TNFSF4: variants seen among roughly 807,000 people sequenced by gnomAD.
TNFSF4 encodes tumor necrosis factor ligand superfamily member 4.
Under a neutral mutation model 7.3 loss-of-function variants are expected in TNFSF4, and 4 were observed. The ratio of observed to expected loss-of-function variants is 0.55; its 90% CI spans 0.27 to 1.25. The LOEUF is 1.25. Among genes scored for constraint, TNFSF4 ranks in the 50% most tolerant of loss-of-function variants. The pLI is 0.12. For synonymous variants in TNFSF4, 76 were observed against 83.7 expected (o/e 0.91, Z 0.50); for missense variants, 181 against 208.8 (o/e 0.87, Z 0.82).
intron 1 of TNFSF4, among the ~76,000 whole-genome samples, chr1:173,189,505 G>T (rs915068320): frequency 1.3e-5 from 2 of 152,066 alleles, no homozygotes; most frequent in African/African-American, 4.8e-5. Context: ...AACCTAACTT[G>T]AATTAAGTCA....
the TNFSF4 span, among the ~76,000 whole-genome samples, chr1:173,286,158 CAAT>C: frequency 1.8e-4 from 28 of 152,124 alleles, no homozygotes; most frequent in African/African-American, 6.5e-4. Flanking sequence ...AAAATTGTTA[CAAT>C]GTCATTTCAC....
chr1:173,207,180 C>T lies in TNFSF4; in HGVS notation c.-4G>A. ...CCAGGGGTTGGACCCTTTCCATCTT[C>T]ACAATCTGGGTAGAGGGAAGATGAA... On this transcript the variant is annotated 5_prime_UTR_variant, in exon 1 of 3. Coordinates refer to ENST00000281834, the MANE Select transcript of TNFSF4 (RefSeq NM_003326.5). 6.2e-7 allele frequency: 1 copy of T among 1,609,762 alleles called. No individual in the cohort carries two copies. Among genetic ancestry groups the T allele is most frequent in the Non-Finnish European group, 8.5e-7 (1 of 1,176,726 alleles).
At chr1:173,392,846 T>A in the TNFSF4 span, among the ~76,000 whole-genome samples, 2 of 152,164 alleles carry the variant, frequency 1.3e-5, no homozygotes, top group African/African-American at 2.4e-5. Flanking sequence ...GCTACATATA[T>A]AAAACACTGA....
chr1:173,225,588 C>T, the TNFSF4 span, among the ~76,000 whole-genome samples: 1 of 152,286 alleles, frequency 6.6e-6, no homozygotes, highest in East Asian at 1.9e-4. Context: ...TGGCATATGT[C>T]GGTGTTTTAA....
At chr1:173,197,894 A>G (rs1649773493) in intron 1 of TNFSF4, among the ~76,000 whole-genome samples, 1 of 152,242 alleles carries the variant, frequency 6.6e-6, no homozygotes, top group South Asian at 2.1e-4. Flanking sequence ...GTGCAGCTTT[A>G]GTTTTGGATT....
the TNFSF4 span, among the ~76,000 whole-genome samples, chr1:173,283,927 C>CA: frequency 0.023 from 1,448 of 61,868 alleles, 11 homozygotes; most frequent in African/African-American, 0.051. Context: ...CTTATGAATG[C>CA]AAAAAAAAAA....
chr1:173,286,564 C>G, the TNFSF4 span, among the ~76,000 whole-genome samples: 2 of 152,130 alleles, frequency 1.3e-5, no homozygotes, highest in African/African-American at 4.8e-5. Flanking sequence ...TAACTTTAGA[C>G]TCAATCTGTG....
chr1:173,325,648 A>C, the TNFSF4 span, among the ~76,000 whole-genome samples: 1 of 152,168 alleles, frequency 6.6e-6, no homozygotes, highest in Non-Finnish European at 1.5e-5. Context: ...AAGAGAGAAG[A>C]ATCAAATAGA....
the TNFSF4 span, among the ~76,000 whole-genome samples, chr1:173,285,062 T>C: frequency 6.6e-6 from 1 of 152,194 alleles, no homozygotes; most frequent in Non-Finnish European, 1.5e-5. Flanking sequence ...CTGGAAAGGA[T>C]TCACTATTCT....
At chr1:173,203,830 C>T (rs757254480) in intron 1 of TNFSF4, among the ~76,000 whole-genome samples, 2 of 152,184 alleles carry the variant, frequency 1.3e-5, no homozygotes, top group Non-Finnish European at 2.9e-5. Flanking sequence ...AGTGAGGTTT[C>T]TCACACCTTA....
chr1:173,434,476 A>C, the TNFSF4 span, among the ~76,000 whole-genome samples: 1 of 152,230 alleles, frequency 6.6e-6, no homozygotes, highest in Non-Finnish European at 1.5e-5. Context: ...CCAAGTGCCA[A>C]ATCAAAAGAA....
chr1:173,332,318 C>T, the TNFSF4 span, among the ~76,000 whole-genome samples: 3 of 152,152 alleles, frequency 2.0e-5, no homozygotes, highest in African/African-American at 7.2e-5. Flanking sequence ...ACTAACAAAC[C>T]CTTGTCTGAC....
chr1:173,222,777 G>A, the TNFSF4 span, among the ~76,000 whole-genome samples: 1 of 152,212 alleles, frequency 6.6e-6, no homozygotes, highest in East Asian at 1.9e-4. Flanking sequence ...TATTAAAGGT[G>A]AAATGAAAAT....
chr1:173,420,330 C>G, the TNFSF4 span, among the ~76,000 whole-genome samples: 17 of 152,348 alleles, frequency 1.1e-4, no homozygotes, highest in South Asian at 1.7e-3. Context: ...ACCATTTTCT[C>G]TCCTCCACCT....
rs375683835 is a variant in TNFSF4, at chr1:173,184,373, AAGGAAGGTGGAGTG to A, written c.*2129_*2142del. ...AGACACACACACATATTTTTGATGG[AAGGAAGGTGGAGTG>A]AGGCTGGTGCATAGCAGAAATATCC... On this transcript the variant is annotated 3_prime_UTR_variant, in exon 3 of 3. Coordinates refer to ENST00000281834, the MANE Select transcript of TNFSF4 (RefSeq NM_003326.5). 1.3e-5 allele frequency: 2 copies of A among 152,310 alleles called. No homozygotes were observed. The highest frequency in any genetic ancestry group is 4.8e-5 in the African/African-American group (2 of 41,556). 9.4% of individuals were successfully genotyped at this position (152,310 alleles called of 1,614,324 possible).
the TNFSF4 span, among the ~76,000 whole-genome samples, chr1:173,434,825 A>G: frequency 6.6e-6 from 1 of 152,248 alleles, no homozygotes; most frequent in Non-Finnish European, 1.5e-5. Flanking sequence ...TTTGGCAGAC[A>G]GAAGAATATC....
At chr1:173,247,276 T>C in the TNFSF4 span, among the ~76,000 whole-genome samples, 8 of 152,116 alleles carry the variant, frequency 5.3e-5, no homozygotes, top group African/African-American at 1.7e-4. Flanking sequence ...AAAGAGAAGT[T>C]AAAGCATAGA....
At chr1:173,335,624 A>G in the TNFSF4 span, among the ~76,000 whole-genome samples, 3 of 152,214 alleles carry the variant, frequency 2.0e-5, no homozygotes, top group African/African-American at 7.2e-5. Flanking sequence ...TACTTGATCT[A>G]TATAAGTAGA....
At chr1:173,372,419 C>A in the TNFSF4 span, among the ~76,000 whole-genome samples, 2 of 152,174 alleles carry the variant, frequency 1.3e-5, no homozygotes, top group African/African-American at 4.8e-5. Flanking sequence ...CAGACTTAAG[C>A]CTTCCCACAG....
Sources: allele counts gnomAD v4.1 joint callset (sites outside exome capture counted in the v4.1 genomes callset), GRCh38; gene constraint gnomAD v4.1.1; transcripts MANE v1.5; gene names NCBI Gene and HGNC (gene_info 2026-07-23, HGNC 2026-07-21).